The following LRRIQ3 variants were observed in gnomAD, a reference collection of about 807,000 sequenced individuals.
The protein encoded by LRRIQ3 is leucine rich repeats and IQ motif containing 3.
Under a neutral mutation model 59.3 loss-of-function variants are expected in LRRIQ3, and 75 were observed. The observed-to-expected ratio is 1.26, with a 90% confidence interval of 1.05 to 1.53. The LOEUF is 1.53. Ranked by LOEUF, LRRIQ3 falls within the 40% of genes most tolerant of loss-of-function variation. The pLI is 0.00. For missense variants in LRRIQ3, 831 were observed against 710.0 expected (o/e 1.17, Z -1.94); for synonymous variants, 250 against 231.3 (o/e 1.08, Z -0.73).
intron 6 of LRRIQ3, chr1:74,050,569 C>T (rs1654341295): frequency 2.0e-6 from 2 of 985,228 alleles, no homozygotes; most frequent in African/African-American, 3.5e-5. Flanking sequence ...ATTTATGAAC[C>T]ATCTGTGAAG....
At chr1:74,194,510 G>C (rs1266217626) in intron 1 of LRRIQ3, among the ~76,000 whole-genome samples, 2 of 151,838 alleles carry the variant, frequency 1.3e-5, no homozygotes, top group Non-Finnish European at 2.9e-5. Context: ...AAATATATTG[G>C]CTTTTTGAAT....
chr1:74,193,426 C>G (rs959689938), intron 1 of LRRIQ3, among the ~76,000 whole-genome samples: 1 of 152,044 alleles, frequency 6.6e-6, no homozygotes, highest in Non-Finnish European at 1.5e-5. Context: ...TAAACCATGT[C>G]TATAAAATAA....
At chr1:74,077,252 TTCTC>T (rs5775225) in intron 5 of LRRIQ3, among the ~76,000 whole-genome samples, 1 of 151,302 alleles carries the variant, frequency 6.6e-6, no homozygotes, top group South Asian at 2.1e-4. Context: ...ATTTGGAAAC[TTCTC>T]TCTGTTTCTG....
chr1:74,103,794 C>T (rs745336637), intron 5 of LRRIQ3, among the ~76,000 whole-genome samples: 4 of 150,978 alleles, frequency 2.6e-5, no homozygotes, highest in Non-Finnish European at 4.4e-5. Flanking sequence ...CCTTCCCCCC[C>T]CCGCCATATT....
intron 1 of LRRIQ3, among the ~76,000 whole-genome samples, chr1:74,193,352 T>C (rs997236017): frequency 5.3e-5 from 8 of 152,158 alleles, no homozygotes; most frequent in Non-Finnish European, 7.4e-5. Context: ...CAGCAAACCT[T>C]TCCTTAGTTT....
intron 3 of LRRIQ3, chr1:74,181,068 T>A (rs1265195086): frequency 2.6e-6 from 1 of 391,380 alleles, no homozygotes; most frequent in Non-Finnish European, 4.7e-6. Flanking sequence ...TCCCAGACAG[T>A]CCTTTTCATA....
intron 6 of LRRIQ3, among the ~76,000 whole-genome samples, chr1:74,062,793 G>A (rs1654761001): frequency 6.6e-6 from 1 of 151,958 alleles, no homozygotes; most frequent in Non-Finnish European, 1.5e-5. Context: ...AGTATATATG[G>A]ATACAATGAA....
intron 4 of LRRIQ3, 24 bp from the exon 5 acceptor site, chr1:74,109,577 CTATT>C (rs757883511): frequency 1.3e-6 from 2 of 1,525,880 alleles, no homozygotes; most frequent in Admixed American, 2.5e-5. Flanking sequence ...GAGGGGAAAA[CTATT>C]TGTTAGTTTT....
intron 5 of LRRIQ3, among the ~76,000 whole-genome samples, chr1:74,100,068 A>C (rs1485776376): frequency 6.6e-6 from 1 of 152,170 alleles, no homozygotes; most frequent in Non-Finnish European, 1.5e-5. Flanking sequence ...GCAATCAGGC[A>C]GGAGAAAGAA....
chr1:74,113,569 A>G (rs938861938), intron 4 of LRRIQ3, among the ~76,000 whole-genome samples: 1 of 152,080 alleles, frequency 6.6e-6, no homozygotes, highest in Non-Finnish European at 1.5e-5. Flanking sequence ...AAAATTAACT[A>G]TGGCTCTCTT....
intron 7 of LRRIQ3, among the ~76,000 whole-genome samples, chr1:74,033,920 T>C (rs561214008): frequency 2.0e-5 from 3 of 152,124 alleles, no homozygotes; most frequent in African/African-American, 7.2e-5. Flanking sequence ...CATCACTTTC[T>C]CAGAGTACAG....
chr1:74,128,540 A>C (rs72962111), intron 4 of LRRIQ3, among the ~76,000 whole-genome samples: 14,294 of 152,168 alleles, frequency 0.094, 692 homozygotes, highest in Middle Eastern at 0.13. Context: ...CAAGAAGGCT[A>C]TTTTAAATCA....
intron 5 of LRRIQ3, among the ~76,000 whole-genome samples, chr1:74,084,810 T>C (rs1053281882): frequency 1.3e-5 from 2 of 151,780 alleles, no homozygotes; most frequent in Admixed American, 6.6e-5. Context: ...CTTAAGAATC[T>C]ACTATTCATT....
At chr1:74,117,341 G>A in intron 4 of LRRIQ3, among the ~76,000 whole-genome samples, 1 of 152,070 alleles carries the variant, frequency 6.6e-6, no homozygotes, top group East Asian at 1.9e-4. Flanking sequence ...TTAATGACAA[G>A]AGTCTCATGT....
chr1:74,041,747 TTAA>T lies in LRRIQ3; in HGVS notation c.1181_1183del (p.Ile394del). On this transcript the variant is annotated inframe_deletion, in exon 7 of 8. Coordinates refer to ENST00000354431, the MANE Select transcript of LRRIQ3 (RefSeq NM_001105659.2). The stretch of plus-strand genomic sequence containing the variant: ...ACTCCGCTCCAATCGTATGTCTTTT[TTAA>T]TGATTGGCTTTGGATGAGTAGTATA... The T allele has an allele frequency of 6.2e-7, 1 of 1,613,762 alleles. No homozygotes were observed. The highest frequency in any genetic ancestry group is 8.5e-7 in the Non-Finnish European group (1 of 1,179,804).
chr1:74,117,469 G>A (rs963589074), intron 4 of LRRIQ3, among the ~76,000 whole-genome samples: 3 of 152,130 alleles, frequency 2.0e-5, no homozygotes, highest in African/African-American at 4.8e-5. Flanking sequence ...GTCTTGATAA[G>A]ATTAATAATA....
At chr1:74,055,002 A>T (rs958820277) in intron 6 of LRRIQ3, among the ~76,000 whole-genome samples, 2 of 147,548 alleles carry the variant, frequency 1.4e-5, no homozygotes, top group Admixed American at 1.4e-4. Flanking sequence ...TTAAAAATAT[A>T]TTTTAAATAA....
intron 6 of LRRIQ3, among the ~76,000 whole-genome samples, chr1:74,063,148 C>A (rs61776723): frequency 0.48 from 71,392 of 149,890 alleles, 18,439 homozygotes; most frequent in East Asian, 0.82. Context: ...ACAACAACAA[C>A]AACAAAACGA....
At chr1:74,055,335 C>G (rs1298355602) in intron 6 of LRRIQ3, among the ~76,000 whole-genome samples, 1 of 151,802 alleles carries the variant, frequency 6.6e-6, no homozygotes, top group Non-Finnish European at 1.5e-5. Context: ...AAGCAGGTAT[C>G]TATTAGCAGT....
Sources: gnomAD v4.1 joint callset for allele counts (sites outside exome capture counted in the v4.1 genomes callset) on GRCh38, gnomAD v4.1.1 for gene constraint, MANE v1.5 for transcripts, NCBI Gene and HGNC (gene_info 2026-07-23, HGNC 2026-07-21) for gene names.